CSMD2: variants seen among roughly 807,000 people sequenced by gnomAD.
The protein encoded by CSMD2 is CUB and Sushi multiple domains 2, also known as CUB and sushi domain-containing protein 2.
In CSMD2, 130 loss-of-function variants were observed where a neutral mutation model predicts 398.5. That is an observed-to-expected ratio of 0.33 (90% CI 0.28 to 0.38). The LOEUF (loss-of-function observed/expected upper bound fraction) is 0.38. Ranked by LOEUF, CSMD2 falls within the 10% of genes least tolerant of loss-of-function variation. The pLI, the probability that CSMD2 is intolerant of heterozygous loss-of-function variation, is 1.00. For synonymous variants in CSMD2, 1,828 were observed against 1,908.5 expected (o/e 0.96, Z 1.10); for missense variants, 3,829 against 4,764.9 (o/e 0.80, Z 5.78).
intron 3 of CSMD2, among the ~76,000 whole-genome samples, chr1:33,983,136 A>G (rs994115090): frequency 3.9e-5 from 6 of 152,156 alleles, no homozygotes; most frequent in Admixed American, 3.3e-4. Flanking sequence ...AGGGGTCTAC[A>G]GTTATGACAA....
chr1:33,979,769 C>T (rs12084747), intron 3 of CSMD2, among the ~76,000 whole-genome samples: 38,954 of 151,982 alleles, frequency 0.26, 5,822 homozygotes, highest in Non-Finnish European at 0.34. Context: ...GACTATGATG[C>T]AGGGGTTAAG....
chr1:33,979,028 C>T (rs61769958), intron 3 of CSMD2, among the ~76,000 whole-genome samples: 36,768 of 152,160 alleles, frequency 0.24, 5,576 homozygotes, highest in Non-Finnish European at 0.34. Flanking sequence ...CATCTCCACC[C>T]TCCCATCATT....
intron 5 of CSMD2, among the ~76,000 whole-genome samples, chr1:33,871,577 G>A (rs1346550650): frequency 1.3e-5 from 2 of 152,206 alleles, no homozygotes; most frequent in Non-Finnish European, 2.9e-5. Flanking sequence ...ACTGTCTGCA[G>A]AGAGGACTGA....
intron 29 of CSMD2, among the ~76,000 whole-genome samples, chr1:33,637,711 C>G (rs1642887167): frequency 6.6e-6 from 1 of 152,146 alleles, no homozygotes; most frequent in African/African-American, 2.4e-5. Flanking sequence ...GACTGATGAG[C>G]ATTTTGGAGG....
intron 22 of CSMD2, among the ~76,000 whole-genome samples, chr1:33,703,570 CAA>C (rs994712827): frequency 6.6e-6 from 1 of 152,152 alleles, no homozygotes; most frequent in Admixed American, 6.6e-5. Context: ...TGGCTGGTTT[CAA>C]AATGAATATG....
At chr1:34,143,360 C>A (rs1426365851) in intron 1 of CSMD2, among the ~76,000 whole-genome samples, 4 of 152,188 alleles carry the variant, frequency 2.6e-5, no homozygotes, top group Non-Finnish European at 5.9e-5. Context: ...GCCCCCTAGA[C>A]CTCCAGGTCT....
intron 3 of CSMD2, among the ~76,000 whole-genome samples, chr1:33,963,727 G>C (rs1222161127): frequency 6.6e-6 from 1 of 152,216 alleles, no homozygotes; most frequent in African/African-American, 2.4e-5. Context: ...CCATGCTGTT[G>C]CTTGTATCAG....
At chr1:33,796,230 A>G (rs1654932048) in intron 10 of CSMD2, among the ~76,000 whole-genome samples, 1 of 152,212 alleles carries the variant, frequency 6.6e-6, no homozygotes, top group Non-Finnish European at 1.5e-5. Context: ...AAGAGCTGAG[A>G]CCTACAATGT....
At chr1:34,030,066 T>C (rs1011257028) in intron 3 of CSMD2, among the ~76,000 whole-genome samples, 8 of 152,246 alleles carry the variant, frequency 5.3e-5, no homozygotes, top group African/African-American at 1.9e-4. Context: ...AGCTCAGCTC[T>C]GTCCAGTAAA....
In CSMD2 at chr1:33,582,609, A is replaced by G. The variant is rs550774020; in HGVS notation, c.7240+1033T>C. On this transcript the variant is annotated intron_variant, in intron 47 of 70. Transcript: ENST00000373381. ...CTGTTTACTCAGAAAACAGAATATT[A>G]TAGAAAATGGAATGTTCAGATATAT... Among the ~76,000 whole-genome samples, 17 of 152,314 alleles carry G rather than the reference A, an allele frequency of 1.1e-4. No homozygotes were observed. The East Asian group carries it at 3.3e-3, about 29-fold the overall frequency.
chr1:34,165,620 T>A, upstream of CSMD2: 4 of 798,946 alleles, frequency 5.0e-6, no homozygotes, highest in East Asian at 2.6e-5. Flanking sequence ...ACACACACAG[T>A]GACAGAGACA....
At chr1:33,608,560 C>T (rs1640785467) in intron 41 of CSMD2, among the ~76,000 whole-genome samples, 1 of 152,178 alleles carries the variant, frequency 6.6e-6, no homozygotes, top group South Asian at 2.1e-4. Context: ...CTTTACCAAA[C>T]TTATGGAAAT....
chr1:33,713,440 G>C (rs1448926579), intron 21 of CSMD2, among the ~76,000 whole-genome samples: 3 of 152,174 alleles, frequency 2.0e-5, no homozygotes, highest in Admixed American at 2.0e-4. Flanking sequence ...CTAACAGTGA[G>C]CATGGAAAAT....
intron 64 of CSMD2, among the ~76,000 whole-genome samples, chr1:33,531,897 G>A (rs1655266788): frequency 6.6e-6 from 1 of 152,182 alleles, no homozygotes; most frequent in Admixed American, 6.5e-5. Flanking sequence ...GGATAGTGGT[G>A]ATGGCTGTGC....
chr1:33,892,970 C>G (rs552995667), intron 5 of CSMD2, among the ~76,000 whole-genome samples: 1 of 152,330 alleles, frequency 6.6e-6, no homozygotes, highest in Non-Finnish European at 1.5e-5. Flanking sequence ...CAAGAGCAAA[C>G]AGGTCTGGTG....
At chr1:34,022,605 A>G (rs568484262) in intron 3 of CSMD2, among the ~76,000 whole-genome samples, 3 of 152,268 alleles carry the variant, frequency 2.0e-5, no homozygotes, top group Admixed American at 2.0e-4. Flanking sequence ...TCTTGGATTT[A>G]GTTTAGGCAG....
At chr1:33,586,803 A>G (rs6425831) in intron 45 of CSMD2, among the ~76,000 whole-genome samples, 186 bp from the exon 46 acceptor site, 79,520 of 152,056 alleles carry the variant, frequency 0.52, 21,476 homozygotes, top group East Asian at 0.76. Context: ...TGTGAGCCTC[A>G]GAATGTTTCA....
intron 8 of CSMD2, 143 bp downstream of exon 8, chr1:33,820,326 C>T: frequency 1.4e-6 from 1 of 693,298 alleles, no homozygotes; most frequent in Non-Finnish European, 2.6e-6. Flanking sequence ...ATGTCAAAGC[C>T]ATAGCTCTTC....
At chr1:33,758,930 G>A (rs890220869) in intron 13 of CSMD2, among the ~76,000 whole-genome samples, 3 of 152,204 alleles carry the variant, frequency 2.0e-5, no homozygotes, top group Non-Finnish European at 4.4e-5. Context: ...GTTATGTGGA[G>A]CCCAGGAGAG....
Sources: allele counts gnomAD v4.1 joint callset (sites outside exome capture counted in the v4.1 genomes callset), GRCh38; gene constraint gnomAD v4.1.1; transcripts MANE v1.5; gene names NCBI Gene and HGNC (gene_info 2026-07-23, HGNC 2026-07-21).